The following GALNTL6 variants were observed in gnomAD, a reference collection of about 807,000 sequenced individuals.
GALNTL6 encodes polypeptide N-acetylgalactosaminyltransferase-like 6.
A neutral mutation model predicts 73.7 loss-of-function variants in GALNTL6; 46 were observed. The observed-to-expected ratio is 0.62, with a 90% confidence interval of 0.49 to 0.80. The LOEUF is 0.80. GALNTL6 is among the 30% of genes least tolerant of loss of function. The pLI, the probability that GALNTL6 is intolerant of heterozygous loss-of-function variation, is 0.00. For missense variants in GALNTL6, 604 were observed against 755.0 expected (o/e 0.80, Z 2.34); for synonymous variants, 259 against 263.7 (o/e 0.98, Z 0.17).
intron 3 of GALNTL6, among the ~76,000 whole-genome samples, chr4:172,295,846 A>G (rs921598133): frequency 2.6e-5 from 4 of 152,020 alleles, no homozygotes; most frequent in African/African-American, 9.7e-5. Flanking sequence ...CAAATTAACT[A>G]GTAAGTTAAT....
intron 2 of GALNTL6, among the ~76,000 whole-genome samples, chr4:171,881,544 C>A (rs1281441632): frequency 6.6e-6 from 1 of 152,158 alleles, no homozygotes; most frequent in Non-Finnish European, 1.5e-5. Context: ...AGCCCACTGA[C>A]TCAAATGTTG....
intron 5 of GALNTL6, among the ~76,000 whole-genome samples, chr4:172,640,115 T>C (rs1739903107): frequency 6.6e-6 from 1 of 152,150 alleles, no homozygotes; most frequent in African/African-American, 2.4e-5. Flanking sequence ...TTCAGATATT[T>C]GCCTCTATTG....
chr4:172,821,939 C>A (rs1741952417), intron 7 of GALNTL6, among the ~76,000 whole-genome samples: 1 of 152,142 alleles, frequency 6.6e-6, no homozygotes, highest in Admixed American at 6.5e-5. Context: ...GCTCTGGAGG[C>A]CCCTGGCTGC....
intron 10 of GALNTL6, among the ~76,000 whole-genome samples, chr4:172,963,972 C>T (rs957139575): frequency 6.6e-6 from 1 of 152,184 alleles, no homozygotes; most frequent in South Asian, 2.1e-4. Context: ...CTCCAGAAGT[C>T]ATTCCATCCT....
In GALNTL6 at chr4:172,602,401, ATAACAGTACTATAAAGG is replaced by A. The variant is rs142691583; in HGVS notation, c.554-206956_554-206940del. Among the ~76,000 whole-genome samples, 456 of 152,292 alleles carry A rather than the reference ATAACAGTACTATAAAGG, an allele frequency of 3.0e-3. 2 individuals are homozygous for A. The highest frequency in any genetic ancestry group is 0.01 in the African/African-American group (435 of 41,586). ...TTATGGGGTTTATTGCATAATATGT[ATAACAGTACTATAAAGG>A]TAAAGGAGGGAAAGTGAAAATATAC... On this transcript the variant is annotated intron_variant, in intron 5 of 12. Coordinates refer to ENST00000506823, the MANE Select transcript of GALNTL6 (RefSeq NM_001034845.3).
At chr4:171,911,137 A>T (rs1192303198) in intron 2 of GALNTL6, among the ~76,000 whole-genome samples, 1 of 152,060 alleles carries the variant, frequency 6.6e-6, no homozygotes. Context: ...AATATATCAC[A>T]CCACCTGTAT....
At chr4:172,783,527 A>G (rs1739490786) in intron 5 of GALNTL6, among the ~76,000 whole-genome samples, 1 of 148,818 alleles carries the variant, frequency 6.7e-6, no homozygotes, top group Non-Finnish European at 1.5e-5. Flanking sequence ...ATATAATAAT[A>G]GTAATAATAT....
intron 5 of GALNTL6, among the ~76,000 whole-genome samples, chr4:172,367,473 T>G (rs1329092336): frequency 6.6e-6 from 1 of 152,174 alleles, no homozygotes; most frequent in Admixed American, 6.5e-5. Flanking sequence ...CCTTTTTTTT[T>G]GAGGTGGTAC....
intron 5 of GALNTL6, among the ~76,000 whole-genome samples, chr4:172,756,190 G>C (rs1737739613): frequency 6.6e-6 from 1 of 152,136 alleles, no homozygotes; most frequent in Non-Finnish European, 1.5e-5. Flanking sequence ...AAAGAAAATT[G>C]GCACTTGAAG....
At chr4:172,790,508 A>G (rs948158926) in intron 5 of GALNTL6, among the ~76,000 whole-genome samples, 1 of 152,208 alleles carries the variant, frequency 6.6e-6, no homozygotes, top group Admixed American at 6.5e-5. Flanking sequence ...AACTAACGCC[A>G]TGGTGCCTTG....
intron 5 of GALNTL6, among the ~76,000 whole-genome samples, chr4:172,515,346 G>T (rs544283292): frequency 6.6e-6 from 1 of 152,218 alleles, no homozygotes; most frequent in Non-Finnish European, 1.5e-5. Flanking sequence ...ATATCTGTTC[G>T]CATCCTGTAC....
chr4:172,964,045 T>A (rs1413702154), intron 10 of GALNTL6, among the ~76,000 whole-genome samples: 1 of 152,016 alleles, frequency 6.6e-6, no homozygotes, highest in Non-Finnish European at 1.5e-5. Flanking sequence ...ATAAATAGGA[T>A]TCTGAACCAT....
At chr4:172,601,956 G>A (rs1298988771) in intron 5 of GALNTL6, among the ~76,000 whole-genome samples, 2 of 152,046 alleles carry the variant, frequency 1.3e-5, no homozygotes, top group East Asian at 3.9e-4. Flanking sequence ...TAGGAAAAAT[G>A]TTTTTAATCA....
chr4:172,284,373 C>T (rs1394084287), intron 3 of GALNTL6, among the ~76,000 whole-genome samples: 1 of 152,098 alleles, frequency 6.6e-6, no homozygotes, highest in Non-Finnish European at 1.5e-5. Context: ...GTGTATCCAT[C>T]ACCTGAATTA....
chr4:172,177,585 C>T (rs1479542362), intron 2 of GALNTL6, among the ~76,000 whole-genome samples: 1 of 151,770 alleles, frequency 6.6e-6, no homozygotes, highest in Non-Finnish European at 1.5e-5. Context: ...GATTACTGTT[C>T]ACTTATCTTG....
At chr4:172,738,709 C>A (rs529065023) in intron 5 of GALNTL6, among the ~76,000 whole-genome samples, 2 of 152,186 alleles carry the variant, frequency 1.3e-5, no homozygotes, top group African/African-American at 4.8e-5. Flanking sequence ...AGAACACGTG[C>A]CCAAGGTGGT....
chr4:172,435,601 TA>T (rs547929114), intron 5 of GALNTL6, among the ~76,000 whole-genome samples: 55 of 152,252 alleles, frequency 3.6e-4, no homozygotes, highest in Non-Finnish European at 6.2e-4. Flanking sequence ...GTCTTAATAC[TA>T]AAATATAAGC....
chr4:172,131,172 AAAAC>A (rs1381662710), intron 2 of GALNTL6, among the ~76,000 whole-genome samples: 2 of 151,838 alleles, frequency 1.3e-5, no homozygotes, highest in East Asian at 1.9e-4. Context: ...GGCATCATTT[AAAAC>A]AAACAAGAAA....
intron 10 of GALNTL6, among the ~76,000 whole-genome samples, chr4:172,997,543 A>T (rs1751849732): frequency 2.6e-5 from 4 of 152,208 alleles, no homozygotes; most frequent in Admixed American, 2.6e-4. Context: ...TATTTATATG[A>T]ATTTCTCTCT....
Sources: allele counts gnomAD v4.1 joint callset (sites outside exome capture counted in the v4.1 genomes callset), GRCh38; gene constraint gnomAD v4.1.1; transcripts MANE v1.5; gene names NCBI Gene and HGNC (gene_info 2026-07-23, HGNC 2026-07-21).